The following UST variants were observed in gnomAD, a reference collection of about 807,000 sequenced individuals.
UST encodes chondroitin sulfate 2-O-sulfotransferase.
In UST, 21 loss-of-function variants were observed where a neutral mutation model predicts 45.6. That is an observed-to-expected ratio of 0.46 (90% CI 0.33 to 0.66). The LOEUF is 0.66. Ranked by LOEUF, UST falls within the 30% of genes least tolerant of loss-of-function variation. The pLI is 0.02. For synonymous variants in UST, 215 were observed against 200.6 expected (o/e 1.07, Z -0.61); for missense variants, 463 against 512.4 (o/e 0.90, Z 0.93).
At position 148,997,072 on chromosome 6, in the gene UST, C is replaced by T. The variant is rs184521317; in HGVS notation, c.682-22067C>T. Reference sequence around the variant, plus strand: ...GGCTTGCAGCCTTTGCTGTCTCCCTCCCTGCTTTTGGAGTCCCCGTGTCTG... The same window carrying T: ...GGCTTGCAGCCTTTGCTGTCTCCCTTCCTGCTTTTGGAGTCCCCGTGTCTG... On this transcript the variant is annotated intron_variant, in intron 5 of 7. Transcript: ENST00000367463. 1.1e-4 allele frequency among the ~76,000 whole-genome samples: 17 copies of T among 152,346 alleles called. No individual in the cohort carries two copies. In the East Asian group the frequency reaches 3.1e-3, roughly 28 times the overall value.
intron 1 of UST, among the ~76,000 whole-genome samples, chr6:148,815,681 A>G (rs890007111): frequency 2.0e-5 from 3 of 152,296 alleles, no homozygotes; most frequent in South Asian, 4.2e-4. Flanking sequence ...AAACAAAAAC[A>G]AAAAAAGAGT....
At chr6:148,876,006 T>A (rs931970405) in intron 1 of UST, among the ~76,000 whole-genome samples, 2 of 152,218 alleles carry the variant, frequency 1.3e-5, no homozygotes, top group South Asian at 2.1e-4. Context: ...GTTCTTGCAT[T>A]GCTATAAAGA....
intron 7 of UST, among the ~76,000 whole-genome samples, chr6:149,070,016 A>G (rs1450780142): frequency 6.6e-6 from 1 of 152,236 alleles, no homozygotes; most frequent in Non-Finnish European, 1.5e-5. Context: ...TTACTTCTTT[A>G]CAAGGATCTA....
intron 5 of UST, among the ~76,000 whole-genome samples, chr6:149,009,262 A>T (rs1014657554): frequency 6.6e-6 from 1 of 152,216 alleles, no homozygotes; most frequent in Non-Finnish European, 1.5e-5. Context: ...ATCTCTTAGA[A>T]GAGCAAAAAG....
At chr6:148,881,939 T>C (rs1348492819) in intron 1 of UST, among the ~76,000 whole-genome samples, 1 of 152,166 alleles carries the variant, frequency 6.6e-6, no homozygotes, top group African/African-American at 2.4e-5. Flanking sequence ...AATAATAAAA[T>C]AGTTATACCC....
intron 2 of UST, among the ~76,000 whole-genome samples, chr6:148,904,063 C>T (rs192238834): frequency 6.6e-6 from 1 of 152,200 alleles, no homozygotes; most frequent in Non-Finnish European, 1.5e-5. Context: ...TCAGAAGGGA[C>T]ATTGACTCTG....
chr6:148,972,689 A>T (rs945439960), intron 5 of UST, among the ~76,000 whole-genome samples: 1 of 152,268 alleles, frequency 6.6e-6, no homozygotes, highest in South Asian at 2.1e-4. Context: ...GCTGTGAGTC[A>T]GCGGAGCTGC....
rs184903456 is a variant in UST, at chr6:148,937,398, G to A, written c.292-3881G>A. On this transcript the variant is annotated intron_variant, in intron 2 of 7. Coordinates refer to ENST00000367463, the MANE Select transcript of UST (RefSeq NM_005715.3). ...CACAGGATGTTTTGTTCTTATAGAC[G>A]CGTTCTTTTTAAATAACAAACTTTC... Among the ~76,000 whole-genome samples the A allele has an allele frequency of 7.2e-4, 109 of 152,298 alleles. No homozygotes were observed. The South Asian group carries it at 0.012, about 16-fold the overall frequency.
chr6:149,028,007 C>G (rs1319980599), intron 7 of UST, among the ~76,000 whole-genome samples: 1 of 152,076 alleles, frequency 6.6e-6, no homozygotes, highest in Non-Finnish European at 1.5e-5. Context: ...CCATGCCCAG[C>G]TAATTTTTGT....
rs567361819 is a variant in UST at position 148,932,178 on chromosome 6, G to A, written c.292-9101G>A. ...GTGAATCACTTGAGGCCAGGAGTTC[G>A]AGACCAGCCTGGCCAACAGGGTGAA... On this transcript the variant is annotated intron_variant, in intron 2 of 7. Transcript: ENST00000367463. Among the ~76,000 whole-genome samples the A allele has an allele frequency of 3.9e-5, 6 of 152,260 alleles. No homozygotes were observed. The East Asian group carries it at 5.8e-4, about 15-fold the overall frequency.
rs1440963385 is a variant in UST at position 148,868,429 on chromosome 6, C to T, written c.248-18557C>T. Among the ~76,000 whole-genome samples, 7 of 150,006 alleles carry T rather than the reference C, an allele frequency of 4.7e-5. No homozygotes were observed. In the Admixed American group the frequency reaches 4.7e-4, roughly 10 times the overall value. Reference sequence around the variant, plus strand: ...TGCTTTCAAGCCCTGTAATCTGCATCAACCCTCAAATTCAGTGATTCAAAA... The same window carrying T: ...TGCTTTCAAGCCCTGTAATCTGCATTAACCCTCAAATTCAGTGATTCAAAA... On this transcript the variant is annotated intron_variant, in intron 1 of 7. Transcript: ENST00000367463.
At chr6:148,853,057 A>T (rs927835954) in intron 1 of UST, among the ~76,000 whole-genome samples, 6 of 152,152 alleles carry the variant, frequency 3.9e-5, no homozygotes, top group Non-Finnish European at 8.8e-5. Flanking sequence ...CTATCAACCC[A>T]TCACGTAGGT....
intron 2 of UST, among the ~76,000 whole-genome samples, chr6:148,918,193 C>G (rs1779626166): frequency 6.6e-6 from 1 of 152,162 alleles, no homozygotes; most frequent in Admixed American, 6.5e-5. Context: ...GGAACTACTC[C>G]CAAATCAATT....
intron 2 of UST, among the ~76,000 whole-genome samples, chr6:148,928,151 C>A (rs1193908585): frequency 6.6e-6 from 1 of 152,066 alleles, no homozygotes; most frequent in East Asian, 1.9e-4. Context: ...CACTCTATTG[C>A]CCTAGGGCAA....
chr6:148,806,877 T>C (rs1777159977), intron 1 of UST, among the ~76,000 whole-genome samples: 1 of 152,188 alleles, frequency 6.6e-6, no homozygotes, highest in Non-Finnish European at 1.5e-5. Context: ...ACTCCCTTGA[T>C]AACTGACCCA....
Position 148,934,221 on chromosome 6 carries a change from G to T in UST, c.292-7058G>T, listed in dbSNP as rs1779976644. On this transcript the variant is annotated intron_variant, in intron 2 of 7. Coordinates refer to ENST00000367463, the MANE Select transcript of UST (RefSeq NM_005715.3). This position sits in a 1 kb window ranked among gnomAD's most constrained non-coding sequence, Gnocchi z 4.1. ...GAACTTTAACATGAGGATTTGCTGA[G>T]TGGATTTAAACTGCTCACAGTCCTA... Among the ~76,000 whole-genome samples, 1 of 152,198 alleles carries T rather than the reference G, an allele frequency of 6.6e-6. No individual in the cohort carries two copies. Among genetic ancestry groups the T allele is most frequent in the African/African-American group, 2.4e-5 (1 of 41,462 alleles).
intron 2 of UST, among the ~76,000 whole-genome samples, chr6:148,913,567 G>T (rs1347889775): frequency 6.6e-6 from 1 of 150,904 alleles, no homozygotes; most frequent in Non-Finnish European, 1.5e-5. Context: ...ACAATAAGGA[G>T]TTTCAGGAGA....
chr6:148,870,266 T>C (rs1442624647), intron 1 of UST, among the ~76,000 whole-genome samples: 1 of 152,114 alleles, frequency 6.6e-6, no homozygotes, highest in Non-Finnish European at 1.5e-5. Context: ...CAGCTTCCTT[T>C]CCTGTGAAGG....
intron 1 of UST, among the ~76,000 whole-genome samples, chr6:148,886,312 T>C (rs577171951): frequency 6.6e-6 from 1 of 152,314 alleles, no homozygotes; most frequent in Admixed American, 6.5e-5. Flanking sequence ...ATTAAATAGA[T>C]AAATACCTGT....
Sources: allele counts gnomAD v4.1 joint callset (sites outside exome capture counted in the v4.1 genomes callset), GRCh38; gene constraint gnomAD v4.1.1; non-coding constraint Gnocchi (gnomAD v3.1); transcripts MANE v1.5; gene names NCBI Gene and HGNC (gene_info 2026-07-23, HGNC 2026-07-21).